FBXL7: variants seen among roughly 807,000 people sequenced by gnomAD.
FBXL7 encodes F-box/LRR-repeat protein 7.
A neutral mutation model predicts 38.3 loss-of-function variants in FBXL7; 12 were observed. The observed-to-expected ratio is 0.31, with a 90% CI of 0.20 to 0.51. The LOEUF (loss-of-function observed/expected upper bound fraction) is 0.51, where lower values mean the gene tolerates loss of function less well. Among genes scored for constraint, FBXL7 ranks in the 20% least tolerant of loss-of-function variants. FBXL7 has a pLI of 0.98. For missense variants in FBXL7, 567 were observed against 676.4 expected, an observed-to-expected ratio of 0.84 and a Z score of 1.79; for synonymous variants, 297 against 300.9, an observed-to-expected ratio of 0.99 and a Z score of 0.13.
chr5:15,625,458 G>C lies in FBXL7; in HGVS notation c.127+9386G>C, dbSNP rs550551509. Among the ~76,000 whole-genome samples the C allele has an allele frequency of 5.2e-4, 79 of 152,252 alleles. 1 individual carries two copies. The South Asian group carries it at 0.014, about 28-fold the overall frequency. The stretch of plus-strand genomic sequence containing the variant: ...ACATGAGGTCAGGAGTTTGAGACCA[G>C]TTTGGCCAATATGGTGAAACCCCGT... On this transcript the variant is annotated intron_variant, in intron 2 of 3. Coordinates refer to ENST00000504595, the MANE Select transcript of FBXL7 (RefSeq NM_012304.5).
chr5:15,647,626 A>G (rs1376337080), intron 2 of FBXL7, among the ~76,000 whole-genome samples: 3 of 152,326 alleles, frequency 2.0e-5, no homozygotes, highest in African/African-American at 7.2e-5. Context: ...TTTCAATATT[A>G]TGTACTAGTC....
Position 15,500,644 on chromosome 5 carries a change from G to A in FBXL7, c.-33G>A. ...AGGACGTGCGCCGCAGCTATGGAGT[G>A]TCCCGGGAGACGGCGGGCATGACGG... is the stretch of plus-strand genomic sequence containing the variant. On this transcript the variant is annotated 5_prime_UTR_variant, in exon 1 of 4. Coordinates refer to ENST00000504595, the MANE Select transcript of FBXL7 (RefSeq NM_012304.5). 1 of 1,613,506 alleles carries A rather than the reference G, an allele frequency of 6.2e-7. No homozygotes were observed.
At chr5:15,914,482 T>C (rs1331901436) in intron 2 of FBXL7, among the ~76,000 whole-genome samples, 4 of 151,892 alleles carry the variant, frequency 2.6e-5, no homozygotes, top group African/African-American at 7.3e-5. Flanking sequence ...GGTTCTGAGA[T>C]GCTTTAGGTG....
chr5:15,719,079 T>A (rs146070629), intron 2 of FBXL7, among the ~76,000 whole-genome samples: 1 of 152,202 alleles, frequency 6.6e-6, no homozygotes, highest in South Asian at 2.1e-4. Flanking sequence ...GCTACAGTTA[T>A]CGGAAGGCCA....
intron 2 of FBXL7, among the ~76,000 whole-genome samples, chr5:15,823,256 T>C (rs257752): frequency 0.54 from 81,430 of 152,106 alleles, 23,001 homozygotes; most frequent in Non-Finnish European, 0.64. Flanking sequence ...CTGAGTCCAA[T>C]GTGTGTCAAC....
At chr5:15,828,055 A>T (rs1266133765) in intron 2 of FBXL7, among the ~76,000 whole-genome samples, 4 of 152,234 alleles carry the variant, frequency 2.6e-5, no homozygotes, top group Admixed American at 2.0e-4. Flanking sequence ...GGCTTTAGGC[A>T]TTCAGGTGGA....
At position 15,567,388 on chromosome 5, in the gene FBXL7, G is replaced by T. The variant is rs575745288; in HGVS notation, c.38-48595G>T. On this transcript the variant is annotated intron_variant, in intron 1 of 3. Transcript: ENST00000504595. ...AGATATTTGTTTTTTCTTCCAAGCT[G>T]TAAAGTAGAATATTAAATATTTTTG... 1.2e-4 allele frequency among the ~76,000 whole-genome samples: 19 copies of T among 152,134 alleles called. 1 individual carries two copies. In the South Asian group the frequency reaches 3.9e-3, roughly 32 times the overall value.
Position 15,898,848 on chromosome 5 carries a change from T to G in FBXL7, c.128-29042T>G, listed in dbSNP as rs192633174. On this transcript the variant is annotated intron_variant, in intron 2 of 3. Coordinates refer to ENST00000504595, the MANE Select transcript of FBXL7 (RefSeq NM_012304.5). ...GTTGCCTTTCATCTGGGATGTCACT[T>G]CATTGCTCCTGCTCAGCCTTTGCCA... 3.6e-3 allele frequency among the ~76,000 whole-genome samples: 544 copies of G among 152,310 alleles called. 1 individual carries two copies. Among genetic ancestry groups the G allele is most frequent in the African/African-American group, 0.012 (512 of 41,566 alleles).
At position 15,847,309 on chromosome 5, in the gene FBXL7, G is replaced by A. The variant is rs574220938; in HGVS notation, c.128-80581G>A. The stretch of plus-strand genomic sequence containing the variant: ...ACACATCCTTATTCACATGGCAGCA[G>A]CAAGAAATGCTGAGCAAAAGCAGGG... On this transcript the variant is annotated intron_variant, in intron 2 of 3. Coordinates refer to ENST00000504595, the MANE Select transcript of FBXL7 (RefSeq NM_012304.5). Among the ~76,000 whole-genome samples, 7 of 152,282 alleles carry A rather than the reference G, an allele frequency of 4.6e-5. No homozygotes were observed. In the South Asian group the frequency reaches 1.4e-3, roughly 32 times the overall value.
chr5:15,741,049 A>G (rs1735882731), intron 2 of FBXL7, among the ~76,000 whole-genome samples: 1 of 152,172 alleles, frequency 6.6e-6, no homozygotes, highest in African/African-American at 2.4e-5. Context: ...TGCTCAGATA[A>G]ATAACTCTTA....
At chr5:15,517,510 T>A (rs922186398) in intron 1 of FBXL7, among the ~76,000 whole-genome samples, 2 of 151,870 alleles carry the variant, frequency 1.3e-5, no homozygotes, top group African/African-American at 4.8e-5. Context: ...CAACATGAGG[T>A]CAGACAAGGA....
intron 1 of FBXL7, among the ~76,000 whole-genome samples, chr5:15,541,701 C>A (rs796560628): frequency 2.0e-5 from 3 of 151,174 alleles, no homozygotes; most frequent in Admixed American, 6.6e-5. Flanking sequence ...CCCGCCACCA[C>A]GCTTGGCTGA....
intron 2 of FBXL7, among the ~76,000 whole-genome samples, chr5:15,893,948 AT>A (rs1199648440): frequency 6.6e-6 from 1 of 152,226 alleles, no homozygotes; most frequent in Non-Finnish European, 1.5e-5. Context: ...ACATGTCAAC[AT>A]TTGGAAAAGC....
chr5:15,913,930 CG>C (rs1210624448), intron 2 of FBXL7, among the ~76,000 whole-genome samples: 1 of 151,622 alleles, frequency 6.6e-6, no homozygotes, highest in Non-Finnish European at 1.5e-5. Flanking sequence ...TGACTTAGTT[CG>C]GGGGTTGGGG....
chr5:15,896,025 C>G (rs925185180), intron 2 of FBXL7, among the ~76,000 whole-genome samples: 2 of 146,724 alleles, frequency 1.4e-5, no homozygotes, highest in African/African-American at 5.0e-5. Context: ...ATGACTGAGT[C>G]TACTTTTTTT....
rs1742280989 is a variant in FBXL7, at chr5:15,939,248, A to C, written c.*2062A>C. ...TCTAGTGAAAGCCACAGAGTTTAAA[A>C]CCATGAAAGAAGTTGAAGGCAGCAT... is the stretch of plus-strand genomic sequence containing the variant. On this transcript the variant is annotated 3_prime_UTR_variant, in exon 4 of 4. Transcript: ENST00000504595. 2.6e-6 allele frequency: 1 copy of C among 391,928 alleles called. No individual in the cohort carries two copies. Among genetic ancestry groups the C allele is most frequent in the Admixed American group, 4.4e-5 (1 of 22,508 alleles). 24.3% of individuals were successfully genotyped at this position (391,928 alleles called of 1,614,324 possible).
At chr5:15,697,636 C>T (rs934381396) in intron 2 of FBXL7, among the ~76,000 whole-genome samples, 17 of 151,912 alleles carry the variant, frequency 1.1e-4, no homozygotes, top group African/African-American at 3.9e-4. Flanking sequence ...GTGCCAAAGA[C>T]ATTTTTCTGA....
chr5:15,624,606 T>C (rs1339752279), intron 2 of FBXL7, among the ~76,000 whole-genome samples: 1 of 152,192 alleles, frequency 6.6e-6, no homozygotes, highest in African/African-American at 2.4e-5. Flanking sequence ...AAGTGTCAAA[T>C]CCTAGAAAAT....
Position 15,936,344 on chromosome 5 carries a change from C to A in FBXL7, c.740-106C>A. The A allele has an allele frequency of 7.2e-7, 1 of 1,392,910 alleles. No individual in the cohort carries two copies. The highest frequency in any genetic ancestry group is 9.6e-7 in the Non-Finnish European group (1 of 1,038,968). The allele number at this position is 1,392,910 out of a possible 1,614,324, so 86.3% of individuals were successfully genotyped here. A position where few individuals can be genotyped will look rare whatever the true frequency, so the allele number is the denominator to read the frequency against. ...CAAGACAGGAAAGGGTAACATCAGC[C>A]TCGGACCCAGACTTGGGCGAGGGTC... On this transcript the variant is annotated intron_variant, in intron 3 of 3. Transcript: ENST00000504595. The surrounding 1 kb of genome is among the most constrained non-coding windows in gnomAD (Gnocchi z 6.0).
Sources: allele counts gnomAD v4.1 joint callset (sites outside exome capture counted in the v4.1 genomes callset), GRCh38; gene constraint gnomAD v4.1.1; non-coding constraint Gnocchi (gnomAD v3.1); transcripts MANE v1.5; gene names NCBI Gene and HGNC (gene_info 2026-07-23, HGNC 2026-07-21).